Variants in ZNF730 observed in about 807,000 individuals in gnomAD.
ZNF730 encodes the protein putative zinc finger protein 730.
A neutral mutation model predicts 12.6 loss-of-function variants in ZNF730; 12 were observed. That is an observed-to-expected ratio of 0.95 (90% CI 0.61 to 1.54). The LOEUF is 1.54. ZNF730 is among the 40% of genes most tolerant of loss of function. The pLI is 0.00. For missense variants in ZNF730, 643 were observed against 583.5 expected, an observed-to-expected ratio of 1.10 and a Z score of -1.05; for synonymous variants, 194 against 195.8, an observed-to-expected ratio of 0.99 and a Z score of 0.08.
intron 1 of ZNF730, among the ~76,000 whole-genome samples, chr19:23,102,501 T>C (rs983124111): frequency 6.6e-6 from 1 of 151,558 alleles, no homozygotes; most frequent in African/African-American, 2.4e-5. Flanking sequence ...ATTTTATTTA[T>C]TTTTTTTATT....
intron 1 of ZNF730, among the ~76,000 whole-genome samples, chr19:23,094,770 G>A (rs749324434): frequency 7.2e-5 from 11 of 151,978 alleles, no homozygotes; most frequent in Admixed American, 1.3e-4. Flanking sequence ...CAAGGAGCCC[G>A]GCCTATCTAT....
chr19:23,126,858 G>A, intron 1 of ZNF730: 1 of 533,374 alleles, frequency 1.9e-6, no homozygotes. Flanking sequence ...TAGTGACCTA[G>A]ACCTTCAATA....
chr19:23,109,972 ATTT>A (rs1014938398), intron 1 of ZNF730, among the ~76,000 whole-genome samples: 1 of 148,060 alleles, frequency 6.8e-6, no homozygotes, highest in East Asian at 2.0e-4. Context: ...CTTTATAACC[ATTT>A]TTTTTTTTAA....
At chr19:23,075,505 G>C (rs1047398538) in intron 1 of ZNF730, 4 of 152,282 alleles carry the variant, frequency 2.6e-5, no homozygotes, top group African/African-American at 9.6e-5. Flanking sequence ...GGCGCAGCTC[G>C]GCCCCAGGCG....
At chr19:23,100,889 C>T (rs1970328789) in intron 1 of ZNF730, among the ~76,000 whole-genome samples, 1 of 151,994 alleles carries the variant, frequency 6.6e-6, no homozygotes. Flanking sequence ...GTCCTGACCT[C>T]GTGATCTGCC....
intron 2 of ZNF730, among the ~76,000 whole-genome samples, chr19:23,134,632 C>T (rs1467818638): frequency 1.4e-5 from 2 of 147,276 alleles, no homozygotes; most frequent in Admixed American, 6.7e-5. Context: ...GGCCAGCCGC[C>T]CCATCCAGGA....
intron 3 of ZNF730, among the ~76,000 whole-genome samples, chr19:23,138,820 T>C (rs956065767): frequency 6.6e-6 from 1 of 152,186 alleles, no homozygotes; most frequent in African/African-American, 2.4e-5. Flanking sequence ...TCAGCCTTAA[T>C]GTACCATGTA....
upstream of ZNF730, chr19:23,116,970 C>A: frequency 1.4e-5 from 9 of 626,162 alleles, no homozygotes; most frequent in South Asian, 6.1e-5. Context: ...GGCGGGGGGC[C>A]GTCCAATCAG....
chr19:23,145,222 T>C, intron 3 of ZNF730, 49 bp from the exon 4 acceptor site: 1 of 1,288,012 alleles, frequency 7.8e-7, no homozygotes. Context: ...GTTTATAAAC[T>C]ATACTCAGTC....
chr19:23,092,215 C>T (rs1970171468), intron 1 of ZNF730, among the ~76,000 whole-genome samples: 1 of 152,156 alleles, frequency 6.6e-6, no homozygotes, highest in Admixed American at 6.6e-5. Flanking sequence ...GCCTCCCTAG[C>T]CATGTGGAAC....
At chr19:23,145,068 C>A (rs1970982645) in intron 3 of ZNF730, among the ~76,000 whole-genome samples, 1 of 152,088 alleles carries the variant, frequency 6.6e-6, no homozygotes, top group Non-Finnish European at 1.5e-5. Context: ...ATTGTGTTCA[C>A]CTGGGGCACT....
chr19:23,138,466 G>A (rs1420132925), intron 3 of ZNF730, among the ~76,000 whole-genome samples: 1 of 152,178 alleles, frequency 6.6e-6, no homozygotes, highest in Non-Finnish European at 1.5e-5. Context: ...TCTTGTCTGT[G>A]TGGCTATAAA....
At chr19:23,127,442 G>A in intron 1 of ZNF730, 1 of 1,088,106 alleles carries the variant, frequency 9.2e-7, no homozygotes, top group Non-Finnish European at 1.4e-6. Context: ...TTCTTCCTTT[G>A]TCATTGACCC....
chr19:23,079,239 C>G (rs747325172), intron 1 of ZNF730, among the ~76,000 whole-genome samples: 18 of 152,146 alleles, frequency 1.2e-4, no homozygotes, highest in Non-Finnish European at 2.1e-4. Flanking sequence ...CTCACTGCAA[C>G]CTCTGCCTCC....
At chr19:23,091,704 T>G (rs1970162579) in intron 1 of ZNF730, among the ~76,000 whole-genome samples, 1 of 152,188 alleles carries the variant, frequency 6.6e-6, no homozygotes, top group Non-Finnish European at 1.5e-5. Flanking sequence ...TTTGTCCAAT[T>G]TATCTCATTT....
At chr19:23,145,095 C>G (rs1197886536) in intron 3 of ZNF730, among the ~76,000 whole-genome samples, 176 bp from the exon 4 acceptor site, 2 of 152,078 alleles carry the variant, frequency 1.3e-5, no homozygotes, top group Non-Finnish European at 2.9e-5. Flanking sequence ...ACTCAACTTA[C>G]TTTTTTACAA....
At chr19:23,128,097 C>T (rs1236452656) in intron 1 of ZNF730, 1 of 843,842 alleles carries the variant, frequency 1.2e-6, no homozygotes, top group Non-Finnish European at 2.0e-6. Flanking sequence ...GTGCCTTCAC[C>T]TGCTATTTGG....
At chr19:23,090,796 A>G (rs1599571213) in intron 1 of ZNF730, among the ~76,000 whole-genome samples, 1 of 152,034 alleles carries the variant, frequency 6.6e-6, no homozygotes, top group African/African-American at 2.4e-5. Context: ...CAGGAGTTTG[A>G]GACCAGCCTG....
intron 1 of ZNF730, among the ~76,000 whole-genome samples, chr19:23,078,398 A>G (rs1412091957): frequency 6.6e-6 from 1 of 152,160 alleles, no homozygotes; most frequent in Non-Finnish European, 1.5e-5. Flanking sequence ...CAGGTGAGAC[A>G]TGCTGGCGGC....
Sources: allele counts gnomAD v4.1 joint callset (sites outside exome capture counted in the v4.1 genomes callset), GRCh38; gene constraint gnomAD v4.1.1; transcripts MANE v1.5; gene names NCBI Gene and HGNC (gene_info 2026-07-23, HGNC 2026-07-21).